Variants in ROBO2 observed in about 807,000 individuals in gnomAD.
The protein encoded by ROBO2 is roundabout guidance receptor 2, also known as roundabout homolog 2.
In ROBO2, 53 loss-of-function variants were observed where a neutral mutation model predicts 160.8. That is an observed-to-expected ratio of 0.33 (90% CI 0.26 to 0.41). The LOEUF (loss-of-function observed/expected upper bound fraction) is 0.41, where lower values mean the gene tolerates loss of function less well. Ranked by LOEUF, ROBO2 falls within the 10% of genes least tolerant of loss-of-function variation. The pLI, the probability that ROBO2 is intolerant of heterozygous loss-of-function variation, is 1.00. For synonymous variants in ROBO2, 664 were observed against 611.7 expected (o/e 1.09, Z -1.26); for missense variants, 1,577 against 1,722.4 (o/e 0.92, Z 1.49).
chr3:76,882,118 G>A (rs1053640969), intron 2 of ROBO2, among the ~76,000 whole-genome samples: 1 of 149,894 alleles, frequency 6.7e-6, no homozygotes, highest in Non-Finnish European at 1.5e-5. Context: ...GTGTGTCTGT[G>A]TGTGTGTCTT....
chr3:76,749,007 A>G (rs765679378), intron 2 of ROBO2, among the ~76,000 whole-genome samples: 9 of 151,886 alleles, frequency 5.9e-5, no homozygotes, highest in Admixed American at 2.6e-4. Flanking sequence ...ATGATACACT[A>G]AAAATAATGC....
intron 2 of ROBO2, among the ~76,000 whole-genome samples, chr3:76,070,195 G>A (rs371129659): frequency 1.6e-4 from 25 of 152,308 alleles, no homozygotes; most frequent in East Asian, 9.6e-4. Flanking sequence ...AACTCTGACC[G>A]CTGGTGAGCC....
At chr3:76,729,346 C>T (rs1408777639) in intron 2 of ROBO2, among the ~76,000 whole-genome samples, 2 of 151,948 alleles carry the variant, frequency 1.3e-5, no homozygotes, top group Non-Finnish European at 2.9e-5. Context: ...GAAATTGACT[C>T]TGAAAACAAT....
At chr3:76,328,338 G>T (rs1438176337) in intron 2 of ROBO2, among the ~76,000 whole-genome samples, 1 of 152,152 alleles carries the variant, frequency 6.6e-6, no homozygotes, top group Non-Finnish European at 1.5e-5. Context: ...TATTCATTGT[G>T]GTAACTAGGT....
At position 76,815,860 on chromosome 3, in the gene ROBO2, T is replaced by C. The variant is rs1451219356; in HGVS notation, c.110-282154T>C. Among the ~76,000 whole-genome samples the C allele has an allele frequency of 2.0e-5, 3 of 152,176 alleles. No individual in the cohort carries two copies. The East Asian group carries it at 5.8e-4, about 30-fold the overall frequency. On this transcript the variant is annotated intron_variant, in intron 2 of 26. Coordinates refer to the ROBO2 transcript ENST00000487694. ...AATTACTTTCTCCTCAAGGCTGCAC[T>C]TTTCCAGAGAAAAGTAAATTTCCAA...
chr3:76,861,446 C>A (rs2070770863), intron 2 of ROBO2, among the ~76,000 whole-genome samples: 1 of 152,096 alleles, frequency 6.6e-6, no homozygotes, highest in South Asian at 2.1e-4. Context: ...CTGCTGCAAC[C>A]ACCACTATTA....
In ROBO2 at chr3:77,316,778, C is replaced by A. The variant is rs527981792; in HGVS notation, c.389-160636C>A. ...CATGCTTGAAATTTCAGTCCTAGAC[C>A]AAGCTTGTGGCCACCAGCCTTGACG... On this transcript the variant is annotated intron_variant, in intron 2 of 25. Transcript: ENST00000461745. 161 of 1,251,950 alleles carry A rather than the reference C, an allele frequency of 1.3e-4. 1 individual carries two copies. In the South Asian group the frequency reaches 1.8e-3, roughly 14 times the overall value. 77.6% of individuals were successfully genotyped at this position (1,251,950 alleles called of 1,614,324 possible). A position where few individuals can be genotyped will look rare whatever the true frequency, so the allele number is the denominator to read the frequency against.
At chr3:76,320,153 G>A (rs901659645) in intron 2 of ROBO2, among the ~76,000 whole-genome samples, 2 of 151,852 alleles carry the variant, frequency 1.3e-5, no homozygotes, top group East Asian at 1.9e-4. Context: ...AATTAAGTAG[G>A]ATATTATCCA....
chr3:76,277,765 T>G (rs1393938400), intron 2 of ROBO2, among the ~76,000 whole-genome samples: 1 of 151,948 alleles, frequency 6.6e-6, no homozygotes, highest in African/African-American at 2.4e-5. Flanking sequence ...GATTTGATTC[T>G]TAAAGATGGT....
chr3:76,068,445 C>T (rs1295863016), intron 2 of ROBO2, among the ~76,000 whole-genome samples: 1 of 152,084 alleles, frequency 6.6e-6, no homozygotes, highest in African/African-American at 2.4e-5. Context: ...GGAGAAGGTG[C>T]CCTAAGAGGC....
intron 2 of ROBO2, among the ~76,000 whole-genome samples, chr3:75,952,346 A>T (rs999963986): frequency 6.6e-6 from 1 of 152,006 alleles, no homozygotes; most frequent in Non-Finnish European, 1.5e-5. Context: ...ATTCTGCTTT[A>T]TAACATAAAG....
rs188681397 is a variant in ROBO2 at position 77,329,379 on chromosome 3, C to T, written c.389-148035C>T. Among the ~76,000 whole-genome samples the T allele has an allele frequency of 2.4e-3, 367 of 152,324 alleles. 2 individuals carry two copies. The highest frequency in any genetic ancestry group is 8.3e-3 in the African/African-American group (344 of 41,572). On this transcript the variant is annotated intron_variant, in intron 2 of 25. Coordinates refer to ENST00000461745, the Ensembl canonical transcript of ROBO2. Reference sequence around the variant, plus strand: ...ATACTCCTTCAGAATTTAAGAGTCACTCCTTGTCTCCATGACAAAACATAA... The same window carrying T: ...ATACTCCTTCAGAATTTAAGAGTCATTCCTTGTCTCCATGACAAAACATAA...
At position 77,166,203 on chromosome 3, in the gene ROBO2, AGCCAAGATCCT is replaced by A. The variant is rs374218399; in HGVS notation, c.388+67868_388+67878del. 3.1e-4 allele frequency among the ~76,000 whole-genome samples: 47 copies of A among 152,262 alleles called. 1 individual carries two copies. In the East Asian group the frequency reaches 8.7e-3, roughly 28 times the overall value. The stretch of plus-strand genomic sequence containing the variant: ...AACCCAGGAGGCGGAGGTTGTAGTA[AGCCAAGATCCT>A]GCCACTGCACTCCAGCTTGGGCAAC... On this transcript the variant is annotated intron_variant, in intron 2 of 25. Coordinates refer to ENST00000461745, the Ensembl canonical transcript of ROBO2.
At chr3:76,825,155 T>C (rs2066454276) in intron 2 of ROBO2, among the ~76,000 whole-genome samples, 1 of 152,102 alleles carries the variant, frequency 6.6e-6, no homozygotes, top group Non-Finnish European at 1.5e-5. Flanking sequence ...ACCCCCGCCA[T>C]ACCCTCTACC....
intron 2 of ROBO2, among the ~76,000 whole-genome samples, chr3:77,186,182 AG>A (rs2081272999): frequency 6.6e-6 from 1 of 151,146 alleles, no homozygotes; most frequent in Non-Finnish European, 1.5e-5. Context: ...TATGGAAATA[AG>A]TTTTTTTTTT....
chr3:76,200,041 T>C (rs910879201), intron 2 of ROBO2, among the ~76,000 whole-genome samples: 1 of 152,146 alleles, frequency 6.6e-6, no homozygotes, highest in East Asian at 1.9e-4. Context: ...TTTTCTCTAT[T>C]TATCTGAAGT....
At position 77,034,188 on chromosome 3, in the gene ROBO2, T is replaced by C. The variant is rs576128731; in HGVS notation, c.110-63826T>C. Among the ~76,000 whole-genome samples the C allele has an allele frequency of 4.3e-4, 66 of 152,014 alleles. 2 individuals carry two copies. In the South Asian group the frequency reaches 0.013, roughly 31 times the overall value. ...CAAATTGAAATGTTATGATATGAAGTATATGTCATATTATTGCTTTATTTG... is the reference window on the plus strand; with the variant it reads ...CAAATTGAAATGTTATGATATGAAGCATATGTCATATTATTGCTTTATTTG... On this transcript the variant is annotated intron_variant, in intron 2 of 26. Transcript: ENST00000487694.
intron 2 of ROBO2, among the ~76,000 whole-genome samples, chr3:77,168,658 C>T (rs2079334115): frequency 6.6e-6 from 1 of 151,932 alleles, no homozygotes; most frequent in Admixed American, 6.6e-5. Flanking sequence ...AATTTTTTGC[C>T]CCGACTCCTA....
intron 2 of ROBO2, among the ~76,000 whole-genome samples, chr3:77,197,448 T>G (rs1474857941): frequency 6.6e-6 from 1 of 152,204 alleles, no homozygotes; most frequent in Non-Finnish European, 1.5e-5. Context: ...GAAAAGAGAC[T>G]GGGTAAAATA....
Sources: allele counts gnomAD v4.1 joint callset (sites outside exome capture counted in the v4.1 genomes callset), GRCh38; gene constraint gnomAD v4.1.1; transcripts MANE v1.5; gene names NCBI Gene and HGNC (gene_info 2026-07-23, HGNC 2026-07-21).